CAMSAP2: variants seen among roughly 807,000 people sequenced by gnomAD.
CAMSAP2 encodes the protein calmodulin-regulated spectrin-associated protein 2.
A neutral mutation model predicts 146.1 loss-of-function variants in CAMSAP2; 26 were observed. That is an observed-to-expected ratio of 0.18 (90% CI 0.13 to 0.25). The LOEUF (loss-of-function observed/expected upper bound fraction) is 0.25, where lower values mean the gene tolerates loss of function less well. Ranked by LOEUF, CAMSAP2 falls within the 10% of genes least tolerant of loss-of-function variation. CAMSAP2 has a pLI of 1.00. For synonymous variants in CAMSAP2, 499 were observed against 596.6 expected (o/e 0.84, Z 2.38); for missense variants, 1,381 against 1,759.3 (o/e 0.78, Z 3.85).
At chr1:200,747,050 A>G (rs1215856672) in intron 1 of CAMSAP2, among the ~76,000 whole-genome samples, 1 of 152,090 alleles carries the variant, frequency 6.6e-6, no homozygotes, top group Non-Finnish European at 1.5e-5. Flanking sequence ...CTGGGACTAC[A>G]TGCCTGGCTA....
intron 4 of CAMSAP2, among the ~76,000 whole-genome samples, chr1:200,830,235 C>T (rs1189789921): frequency 6.6e-6 from 1 of 152,192 alleles, no homozygotes; most frequent in Non-Finnish European, 1.5e-5. Flanking sequence ...AATGTTTTGG[C>T]ATCCCATTCA....
rs755004423 is a variant in CAMSAP2 at position 200,849,079 on chromosome 1, A to G, written c.2310A>G (p.Lys770=). 9 of 1,614,008 alleles carry G rather than the reference A, an allele frequency of 5.6e-6. No homozygotes were observed. In the East Asian group the frequency reaches 1.6e-4, roughly 28 times the overall value. ...GTGCTATAGAAGCCCAGAAAAAGAA[A>G]ATGGAAGCTGCTTTTACCAAACAGA... ...KRRAIEAQKK[K]MEAAFTKQRQ... The change falls in exon 11 of 17, where the codon AAA becomes AAG. Residue 770 remains lysine, a synonymous_variant. Coordinates refer to ENST00000358823, the MANE Select transcript of CAMSAP2 (RefSeq NM_203459.4). The surrounding 1 kb of genome is among the most constrained non-coding windows in gnomAD (Gnocchi z 6.3).
chr1:200,754,627 G>A (rs1664598251), intron 1 of CAMSAP2, among the ~76,000 whole-genome samples: 1 of 126,172 alleles, frequency 7.9e-6, no homozygotes, highest in Non-Finnish European at 1.6e-5. Context: ...CTGTCGCCCA[G>A]GCTGGAGTGC....
intron 2 of CAMSAP2, among the ~76,000 whole-genome samples, chr1:200,764,773 T>C (rs1324984226): frequency 2.6e-5 from 4 of 152,208 alleles, no homozygotes; most frequent in Admixed American, 1.3e-4. Flanking sequence ...CTTTAAGATA[T>C]CTTTTCTGTA....
intron 1 of CAMSAP2, among the ~76,000 whole-genome samples, chr1:200,742,531 AT>A (rs1012355476): frequency 7.9e-5 from 12 of 152,164 alleles, no homozygotes; most frequent in Admixed American, 6.5e-5. Context: ...AAAATTAGGA[AT>A]TTTTTTGATG....
At chr1:200,843,285 C>G (rs1667374257) in intron 7 of CAMSAP2, among the ~76,000 whole-genome samples, 1 of 152,052 alleles carries the variant, frequency 6.6e-6, no homozygotes, top group South Asian at 2.1e-4. Context: ...CATATGTAGC[C>G]AAAGGGGAGG....
At chr1:200,754,830 C>A (rs1297209085) in intron 1 of CAMSAP2, among the ~76,000 whole-genome samples, 2 of 152,126 alleles carry the variant, frequency 1.3e-5, no homozygotes, top group Non-Finnish European at 2.9e-5. Flanking sequence ...GATCTGCCTG[C>A]CTCGGCCTCC....
intron 8 of CAMSAP2, among the ~76,000 whole-genome samples, chr1:200,846,827 G>A (rs1475440057): frequency 2.6e-5 from 4 of 152,138 alleles, no homozygotes; most frequent in African/African-American, 9.7e-5. Context: ...GAGCAGAGAG[G>A]CTGTCAAGGT....
In CAMSAP2 at chr1:200,815,764, AC is replaced by A. The variant is rs1310113478; in HGVS notation, c.645+123del. 8.8e-6 allele frequency: 4 copies of A among 455,216 alleles called. No homozygotes were observed. The East Asian group carries it at 1.1e-4, about 12-fold the overall frequency. 28.2% of individuals were successfully genotyped at this position (455,216 alleles called of 1,614,324 possible). ...ATTATTTTTTAGTGGTGTTAACTGT[AC>A]CCTAGAAAGCCATACTGTAAACACT... On this transcript the variant is annotated intron_variant, in intron 4 of 16. Transcript: ENST00000358823.
intron 2 of CAMSAP2, among the ~76,000 whole-genome samples, chr1:200,762,677 C>T (rs1664833371): frequency 1.3e-5 from 2 of 152,200 alleles, no homozygotes; most frequent in Non-Finnish European, 1.5e-5. Flanking sequence ...CTTAGAGTGT[C>T]TATTTCAGAT....
chr1:200,839,128 C>T (rs893793866), intron 6 of CAMSAP2, among the ~76,000 whole-genome samples: 7 of 152,178 alleles, frequency 4.6e-5, no homozygotes, highest in East Asian at 3.9e-4. Flanking sequence ...AGCTGATGGA[C>T]GTAGGCATGG....
In CAMSAP2 at chr1:200,759,305, GT is replaced by G. The variant is rs1553279299; in HGVS notation, c.140-1531del. On this transcript the variant is annotated intron_variant, in intron 1 of 16. Coordinates refer to ENST00000358823, the MANE Select transcript of CAMSAP2 (RefSeq NM_203459.4). ...ATTTTTTTTTTTTTTTTGAGATAGA[GT>G]TTCACTCTTGTTGCCCAAGCTGGAG... Among the ~76,000 whole-genome samples, 5 of 135,892 alleles carry G rather than the reference GT, an allele frequency of 3.7e-5. No individual in the cohort carries two copies. The South Asian group carries it at 1.1e-3, about 31-fold the overall frequency. 89.2% of individuals were successfully genotyped at this position (135,892 alleles called of 152,430 possible).
At chr1:200,800,668 A>C (rs1224734251) in intron 2 of CAMSAP2, among the ~76,000 whole-genome samples, 1 of 152,142 alleles carries the variant, frequency 6.6e-6, no homozygotes, top group Non-Finnish European at 1.5e-5. Flanking sequence ...TTTACATTTA[A>C]GGTTAATATT....
chr1:200,847,697 C>T lies in CAMSAP2; in HGVS notation c.1250C>T (p.Pro417Leu), dbSNP rs1667496647. 1 of 1,610,644 alleles carries T rather than the reference C, an allele frequency of 6.2e-7. No individual in the cohort carries two copies. Among genetic ancestry groups the T allele is most frequent in the Non-Finnish European group, 8.5e-7 (1 of 1,177,838 alleles). ...GTTGATGGCTTCATAGGGACATGGC[C>T]CAAAGAGAAAAGGTAAACAAAGAGA... ...SYVDGFIGTW[P>L]KEKRSSVHGV... The change falls in exon 10 of 17, where the codon CCC (proline) becomes CTC (leucine). Residue 417 changes from proline to leucine, a missense_variant. Transcript: ENST00000358823.
At position 200,816,791 on chromosome 1, in the gene CAMSAP2, T is replaced by C. The variant is rs573754956; in HGVS notation, c.645+1147T>C. ...ACACACACGCGTGTATATATGTGTGTACACACACACGCGTGTATATATGTG... is the reference window on the plus strand; with the variant it reads ...ACACACACGCGTGTATATATGTGTGCACACACACACGCGTGTATATATGTG... On this transcript the variant is annotated intron_variant, in intron 4 of 16. Coordinates refer to ENST00000358823, the MANE Select transcript of CAMSAP2 (RefSeq NM_203459.4). Among the ~76,000 whole-genome samples, 15 of 85,162 alleles carry C rather than the reference T, an allele frequency of 1.8e-4. 1 individual carries two copies. The highest frequency in any genetic ancestry group is 3.4e-4 in the Admixed American group (3 of 8,710). The allele number at this position is 85,162 out of a possible 152,430, so 55.9% of individuals were successfully genotyped here.
rs1215964452 is a variant in CAMSAP2, at chr1:200,844,736, A to G, written c.1022-46A>G. 1.8e-5 allele frequency: 20 copies of G among 1,141,298 alleles called. No homozygotes were observed. The Admixed American group carries it at 4.9e-4, about 28-fold the overall frequency. 70.7% of individuals were successfully genotyped at this position (1,141,298 alleles called of 1,614,324 possible). A position where few individuals can be genotyped will look rare whatever the true frequency, so the allele number is the denominator to read the frequency against. The stretch of plus-strand genomic sequence containing the variant: ...TTGCTTATGGTCCAGAATTTTTCAT[A>G]GAAATATGCTAATTTGAGGGTGTTT... On this transcript the variant is annotated intron_variant, in intron 7 of 16. Coordinates refer to ENST00000358823, the MANE Select transcript of CAMSAP2 (RefSeq NM_203459.4).
At position 200,849,929 on chromosome 1, in the gene CAMSAP2, G is replaced by A. The variant is rs777532244; in HGVS notation, c.3160G>A (p.Gly1054Arg). The change falls in exon 11 of 17, where the codon GGA (glycine) becomes AGA (arginine). Residue 1054 changes from glycine (G) to arginine (R), a missense_variant. Gly to Arg is a moderately radical substitution (Grantham distance 125). Coordinates refer to ENST00000358823, the MANE Select transcript of CAMSAP2 (RefSeq NM_203459.4). This position sits in a 1 kb window ranked among gnomAD's most constrained non-coding sequence, Gnocchi z 6.3. Reference protein sequence around the residue: ...LESKGTLEQRGHNPEEKEIKP... With the variant: ...LESKGTLEQRRHNPEEKEIKP... The stretch of plus-strand genomic sequence containing the variant: ...ATCCAAAGGGACTTTGGAACAGCGT[G>A]GACATAATCCAGAAGAAAAGGAAAT... 1.2e-6 allele frequency: 2 copies of A among 1,614,108 alleles called. No individual in the cohort carries two copies. The highest frequency in any genetic ancestry group is 1.7e-5 in the Admixed American group (1 of 60,020).
chr1:200,824,830 T>C (rs1156631354), intron 4 of CAMSAP2, among the ~76,000 whole-genome samples: 1 of 152,050 alleles, frequency 6.6e-6, no homozygotes, highest in Non-Finnish European at 1.5e-5. Context: ...AATACAAAAA[T>C]TAGCCAGGTG....
chr1:200,852,469 G>A, intron 11 of CAMSAP2, 72 bp from the exon 12 acceptor site: 1 of 1,532,982 alleles, frequency 6.5e-7, no homozygotes. Flanking sequence ...CACAAAATGT[G>A]ACTACAACAA....
Sources: allele counts gnomAD v4.1 joint callset (sites outside exome capture counted in the v4.1 genomes callset), GRCh38; gene constraint gnomAD v4.1.1; non-coding constraint Gnocchi (gnomAD v3.1); transcripts MANE v1.5; gene names NCBI Gene and HGNC (gene_info 2026-07-23, HGNC 2026-07-21).